Variants in USP53 observed in about 807,000 individuals in gnomAD.
The protein encoded by USP53 is ubiquitin carboxyl-terminal hydrolase 53.
A neutral mutation model predicts 94.9 loss-of-function variants in USP53; 71 were observed. The observed-to-expected ratio is 0.75, with a 90% CI of 0.62 to 0.91. The LOEUF is 0.91. USP53 is among the 40% of genes least tolerant of loss of function. The probability of loss-of-function intolerance (pLI) is 0.00; values close to 1 mark genes in which losing one functional copy is unlikely to be tolerated. For synonymous variants in USP53, 375 were observed against 422.7 expected, an observed-to-expected ratio of 0.89 and a Z score of 1.39; for missense variants, 1,173 against 1,281.0, an observed-to-expected ratio of 0.92 and a Z score of 1.29.
chr4:119,257,098 C>G (rs1749866960), intron 9 of USP53, among the ~76,000 whole-genome samples: 1 of 152,148 alleles, frequency 6.6e-6, no homozygotes, highest in South Asian at 2.1e-4. Flanking sequence ...ATCCCTAGAC[C>G]TTACATAATG....
intron 3 of USP53, among the ~76,000 whole-genome samples, chr4:119,227,726 TA>T (rs1465183828): frequency 6.6e-6 from 1 of 152,210 alleles, no homozygotes; most frequent in Non-Finnish European, 1.5e-5. Context: ...CAATACAACC[TA>T]GCAGTCCCAC....
chr4:119,272,066 A>G (rs1751945041), intron 16 of USP53, 32 bp downstream of exon 16: 2 of 1,523,612 alleles, frequency 1.3e-6, no homozygotes, highest in Non-Finnish European at 8.8e-7. Context: ...TCATTTTTCC[A>G]TCACTCTTCT....
chr4:119,232,163 A>G (rs974629071), intron 3 of USP53, among the ~76,000 whole-genome samples: 1 of 152,192 alleles, frequency 6.6e-6, no homozygotes, highest in African/African-American at 2.4e-5. Context: ...TTCACCCTTT[A>G]AAAGTGTAAA....
chr4:119,279,134 T>C (rs1753082784), intron 17 of USP53, among the ~76,000 whole-genome samples: 1 of 148,772 alleles, frequency 6.7e-6, no homozygotes, highest in Non-Finnish European at 1.5e-5. Flanking sequence ...CTTTGTTCTG[T>C]TGCTGGTGAG....
In USP53 at chr4:119,292,908, G is replaced by T; in HGVS notation, c.2919G>T (p.Val973=). 6.2e-7 allele frequency: 1 copy of T among 1,614,064 alleles called. No individual in the cohort carries two copies. The highest frequency in any genetic ancestry group is 1.1e-5 in the South Asian group (1 of 91,078). Residue 973 remains valine (V), a synonymous_variant, in exon 19 of 19, where the codon GTG becomes GTT. Transcript: ENST00000692078. ...LSTASEPSLE[V]STHMNDERHK... is the part of the protein sequence containing the mutation. Reference sequence around the variant, plus strand: ...CAGCTTCAGAACCAAGTTTAGAAGTGAGTACACATATGAATGATGAAAGAC... The same window carrying T: ...CAGCTTCAGAACCAAGTTTAGAAGTTAGTACACATATGAATGATGAAAGAC...
intron 17 of USP53, among the ~76,000 whole-genome samples, chr4:119,275,300 T>C (rs1353293217): frequency 9.2e-6 from 1 of 108,870 alleles, no homozygotes; most frequent in Non-Finnish European, 2.1e-5. Context: ...GGATCCAGTT[T>C]CAGCTTTCTC....
rs1749753632 is a variant in USP53 at position 119,256,306 on chromosome 4, A to G, written c.433A>G (p.Thr145Ala). The change falls in exon 8 of 19, where the codon ACC becomes GCC. Residue 145 changes from threonine to alanine, a missense_variant. Coordinates refer to ENST00000692078, the MANE Select transcript of USP53 (RefSeq NM_001371395.1). ...IVPSRDADMC[T>A]SKSCITHQKF... ...GCCAAGCAGAGATGCAGACATGTGT[A>G]CCTCTAAATCTTGTATCACTCACCA... 6.2e-7 allele frequency: 1 copy of G among 1,614,060 alleles called. No homozygotes were observed. Among genetic ancestry groups the G allele is most frequent in the Non-Finnish European group, 8.5e-7 (1 of 1,179,992 alleles).
intron 7 of USP53, among the ~76,000 whole-genome samples, chr4:119,255,597 C>G (rs533695935): frequency 2.0e-5 from 3 of 152,302 alleles, no homozygotes; most frequent in South Asian, 2.1e-4. Flanking sequence ...TTGGTAAGAC[C>G]GTGGGAGAAG....
At chr4:119,260,460 TG>T in intron 10 of USP53, 46 bp from the exon 11 acceptor site, 1 of 1,561,114 alleles carries the variant, frequency 6.4e-7, no homozygotes, top group South Asian at 1.1e-5. Flanking sequence ...TAAGGCTGCC[TG>T]GTTTATCTGT....
intron 17 of USP53, among the ~76,000 whole-genome samples, chr4:119,280,024 C>G (rs970166471): frequency 6.6e-6 from 1 of 152,122 alleles, no homozygotes; most frequent in Non-Finnish European, 1.5e-5. Flanking sequence ...GAGATGAACC[C>G]GGTACCTCAG....
chr4:119,279,709 G>A (rs1355777424), intron 17 of USP53, among the ~76,000 whole-genome samples: 6 of 152,122 alleles, frequency 3.9e-5, no homozygotes, highest in Non-Finnish European at 4.4e-5. Flanking sequence ...CCTCGCTGTC[G>A]CCTTGCAGTT....
chr4:119,240,293 C>G (rs967128845), intron 5 of USP53, among the ~76,000 whole-genome samples: 1 of 152,010 alleles, frequency 6.6e-6, no homozygotes, highest in African/African-American at 2.4e-5. Flanking sequence ...GATAAGAATG[C>G]AGAGTTTTTG....
intron 16 of USP53, 151 bp downstream of exon 16, chr4:119,272,185 C>A: frequency 1.4e-6 from 1 of 692,018 alleles, no homozygotes; most frequent in Non-Finnish European, 2.2e-6. Flanking sequence ...CTTTTAAACA[C>A]AAGTATGTTT....
intron 17 of USP53, among the ~76,000 whole-genome samples, chr4:119,290,295 G>T (rs977442566): frequency 6.6e-6 from 1 of 152,096 alleles, no homozygotes. Context: ...CTGTAAATTA[G>T]TATAACTTTT....
At position 119,271,797 on chromosome 4, in the gene USP53, T is replaced by C; in HGVS notation, c.1937T>C (p.Met646Thr). The C allele has an allele frequency of 6.2e-7, 1 of 1,612,098 alleles. No homozygotes were observed. The highest frequency in any genetic ancestry group is 2.2e-5 in the East Asian group (1 of 44,860). The change falls in exon 16 of 19, where the codon ATG becomes ACG. Residue 646 changes from methionine (M) to threonine (T), a missense_variant. Transcript: ENST00000692078. ...TTAATGACCATATATGAAGATGAAA[T>C]GAAGCAGGAAATAGGAAGCAGAAGT... Reference protein sequence around the residue: ...KGLMTIYEDEMKQEIGSRSSL... With the variant: ...KGLMTIYEDETKQEIGSRSSL...
rs1181611656 is a variant in USP53 at position 119,221,479 on chromosome 4, A to C, written c.-665+3806A>C. On this transcript the variant is annotated intron_variant, in intron 3 of 18. Transcript: ENST00000692078. ...GTATTGAATTAGAAAATTTAATATA[A>C]GAAAAAAATTTAAAAAGCTGTTAGA... is the stretch of plus-strand genomic sequence containing the variant. 3.9e-5 allele frequency: 6 copies of C among 152,194 alleles called. No homozygotes were observed. In the East Asian group the frequency reaches 1.2e-3, roughly 29 times the overall value. The allele number at this position is 152,194 out of a possible 1,614,324, so 9.4% of individuals were successfully genotyped here.
chr4:119,248,670 T>G, intron 6 of USP53, 78 bp from the exon 7 acceptor site: 1 of 1,513,562 alleles, frequency 6.6e-7, no homozygotes, highest in Non-Finnish European at 8.9e-7. Context: ...TGTTTTGAGT[T>G]TCTCTGTGTT....
In USP53 at chr4:119,273,646, C is replaced by A. The variant is rs776952628; in HGVS notation, c.2189C>A (p.Thr730Lys). ...TTATTTTCTAGTGACCAGATTACGACAAGCAACCTAAATAAAGAACGTGGG... is the reference window on the plus strand; with the variant it reads ...TTATTTTCTAGTGACCAGATTACGAAAAGCAACCTAAATAAAGAACGTGGG... ...ETVCFSDQIT[T>K]SNLNKERGDC... The change falls in exon 17 of 19, where the codon ACA becomes AAA. Residue 730 changes from threonine (T) to lysine (K), a missense_variant. Physicochemically the swap from Thr to Lys is moderately conservative, Grantham distance 78. Coordinates refer to ENST00000692078, the MANE Select transcript of USP53 (RefSeq NM_001371395.1). 2.2e-5 allele frequency: 36 copies of A among 1,612,562 alleles called. 1 individual carries two copies. The highest frequency in any genetic ancestry group is 1.3e-5 in the African/African-American group (1 of 74,772).
chr4:119,256,766 T>G (rs1749824081), intron 9 of USP53, among the ~76,000 whole-genome samples: 1 of 152,204 alleles, frequency 6.6e-6, no homozygotes, highest in Non-Finnish European at 1.5e-5. Context: ...CTATTTAATT[T>G]ATAACAAATT....
Sources: allele counts gnomAD v4.1 joint callset (sites outside exome capture counted in the v4.1 genomes callset), GRCh38; gene constraint gnomAD v4.1.1; transcripts MANE v1.5; gene names NCBI Gene and HGNC (gene_info 2026-07-23, HGNC 2026-07-21).